The following RERE variants were observed in gnomAD, a reference collection of about 807,000 sequenced individuals.
RERE encodes arginine-glutamic acid dipeptide repeats protein.
RERE carries 40 observed loss-of-function variants against 146.1 expected under a neutral mutation model. The ratio of observed to expected loss-of-function variants is 0.27; its 90% confidence interval spans 0.21 to 0.36. RERE has a LOEUF of 0.36. RERE is among the 10% of genes least tolerant of loss of function. The pLI is 1.00. For missense variants in RERE, 1,933 were observed against 2,138.7 expected (o/e 0.90, Z 1.90); for synonymous variants, 1,003 against 866.0 (o/e 1.16, Z -2.78).
rs1483056015 is a variant in RERE, at chr1:8,353,646, G to A, written c.*1441C>T. ...GGAAACGAGGGCAGGCTCTCTCCAGGACGGTTCCGCTCAGAAGGGCCTGGC... is the reference window on the plus strand; with the variant it reads ...GGAAACGAGGGCAGGCTCTCTCCAGAACGGTTCCGCTCAGAAGGGCCTGGC... On this transcript the variant is annotated 3_prime_UTR_variant, in exon 23 of 23. Coordinates refer to ENST00000400908, the MANE Select transcript of RERE (RefSeq NM_001042681.2). 7.9e-5 allele frequency: 12 copies of A among 152,320 alleles called. No homozygotes were observed. Among genetic ancestry groups the A allele is most frequent in the African/African-American group, 2.7e-4 (11 of 41,468 alleles). The allele number at this position is 152,320 out of a possible 1,614,324, so 9.4% of individuals were successfully genotyped here. A position where few individuals can be genotyped will look rare whatever the true frequency, so the allele number is the denominator to read the frequency against.
At chr1:8,636,073 C>A (rs1308948470) in intron 2 of RERE, among the ~76,000 whole-genome samples, 1 of 152,176 alleles carries the variant, frequency 6.6e-6, no homozygotes, top group Non-Finnish European at 1.5e-5. Flanking sequence ...ACCGCAACCT[C>A]CGCCTCCCAG....
intron 7 of RERE, among the ~76,000 whole-genome samples, chr1:8,538,187 G>A (rs1645751419): frequency 6.6e-6 from 1 of 152,128 alleles, no homozygotes; most frequent in African/African-American, 2.4e-5. Context: ...TACACAATCA[G>A]AAGAACTTTG....
At chr1:8,591,658 G>A (rs1327263449) in intron 4 of RERE, among the ~76,000 whole-genome samples, 2 of 152,128 alleles carry the variant, frequency 1.3e-5, no homozygotes, top group East Asian at 1.9e-4. Context: ...AGGAGTACTA[G>A]TTTCTACACC....
At chr1:8,705,035 T>C (rs1430109067) in intron 1 of RERE, among the ~76,000 whole-genome samples, 4 of 152,244 alleles carry the variant, frequency 2.6e-5, no homozygotes, top group African/African-American at 4.8e-5. Context: ...GCTACAAAGC[T>C]ACTCCTGTAC....
Position 8,633,465 on chromosome 1 carries a change from A to G in RERE, c.326-9085T>C, listed in dbSNP as rs868050772. 3.9e-3 allele frequency among the ~76,000 whole-genome samples: 596 copies of G among 152,230 alleles called. 3 individuals carry two copies. Among genetic ancestry groups the G allele is most frequent in the Non-Finnish European group, 6.7e-3 (459 of 68,012 alleles). ...CACGCACACACACAGACACACACAC[A>G]CACACACACACAAAAATGTACTTCT... On this transcript the variant is annotated intron_variant, in intron 2 of 22. Coordinates refer to ENST00000400908, the MANE Select transcript of RERE (RefSeq NM_001042681.2).
At chr1:8,619,452 A>T (rs1351204312) in intron 3 of RERE, among the ~76,000 whole-genome samples, 1 of 152,250 alleles carries the variant, frequency 6.6e-6, no homozygotes, top group Non-Finnish European at 1.5e-5. Flanking sequence ...CATTTGGTAT[A>T]AGTAACAGCT....
rs963105818 is a variant in RERE at position 8,361,133 on chromosome 1, T to C, written c.2374A>G (p.Thr792Ala). The C allele has an allele frequency of 3.5e-6, 5 of 1,443,026 alleles. No homozygotes were observed. Among genetic ancestry groups the C allele is most frequent in the Non-Finnish European group, 4.5e-6 (5 of 1,103,238 alleles). 89.4% of individuals were successfully genotyped at this position (1,443,026 alleles called of 1,614,324 possible). The part of the protein sequence containing the change: ...SQAPNQPQAP[T>A]APVPHTHIQQ... ...ATGTGGGTGTGGGGAACAGGCGCTGTGGGAGCCTGTGGCTGGTTAGGGGCC... is the reference window on the plus strand; with the variant it reads ...ATGTGGGTGTGGGGAACAGGCGCTGCGGGAGCCTGTGGCTGGTTAGGGGCC... The change falls in exon 18 of 23, where the codon ACA becomes GCA. Residue 792 changes from threonine to alanine, a missense_variant. Thr to Ala is a moderately conservative substitution (Grantham distance 58). Around this residue, in one of 11 missense-constraint regions of RERE, gnomAD observed 1,255 missense variants for 1,153.8 expected, o/e 1.09. Coordinates refer to ENST00000400908, the MANE Select transcript of RERE (RefSeq NM_001042681.2).
chr1:8,545,682 A>C (rs897423570), intron 6 of RERE, among the ~76,000 whole-genome samples: 1 of 146,732 alleles, frequency 6.8e-6, no homozygotes, highest in Admixed American at 7.2e-5. Context: ...TTAATAAAAA[A>C]TTCTTTTTTT....
intron 4 of RERE, among the ~76,000 whole-genome samples, chr1:8,561,072 C>T (rs1261787667): frequency 6.6e-6 from 1 of 152,220 alleles, no homozygotes; most frequent in African/African-American, 2.4e-5. Context: ...TTCTGAAGTA[C>T]AATATCTATG....
intron 12 of RERE, among the ~76,000 whole-genome samples, chr1:8,385,952 C>T (rs1642625615): frequency 2.1e-5 from 2 of 95,680 alleles, no homozygotes; most frequent in South Asian, 3.9e-4. Flanking sequence ...CTGGGTGACA[C>T]AGCAAGACTC....
intron 2 of RERE, among the ~76,000 whole-genome samples, chr1:8,645,892 C>G (rs979757366): frequency 6.6e-6 from 1 of 152,014 alleles, no homozygotes; most frequent in Non-Finnish European, 1.5e-5. Context: ...CATGAAAAGG[C>G]AATCAACTAA....
At chr1:8,549,022 A>G (rs1038992900) in intron 6 of RERE, among the ~76,000 whole-genome samples, 2 of 152,170 alleles carry the variant, frequency 1.3e-5, no homozygotes. Flanking sequence ...TTGGACTGGA[A>G]TTGAAATTAA....
chr1:8,502,272 G>A (rs1402086551), intron 8 of RERE, among the ~76,000 whole-genome samples: 14 of 114,146 alleles, frequency 1.2e-4, no homozygotes, highest in Admixed American at 4.7e-4. Context: ...GCCTCTGCCC[G>A]GCCGCCCCTA....
In RERE at chr1:8,359,985, A is replaced by C. The variant is rs745388907; in HGVS notation, c.3397T>G (p.Phe1133Val). The part of the protein sequence containing the change: ...TPSHASQSAR[F>V]YKHLDRGYNS... ...TAGCCCCGGTCCAGGTGTTTGTAGA[A>C]CCTGAGAAAAGCCACAGATCTTGCT... The change falls in exon 19 of 23, where the codon TTC (phenylalanine) becomes GTC (valine). Residue 1133 changes from phenylalanine (F) to valine (V), a missense_variant and splice_region_variant. Phe to Val is a conservative substitution (Grantham distance 50). Transcript: ENST00000400908. The C allele has an allele frequency of 1.9e-6, 3 of 1,612,130 alleles. No individual in the cohort carries two copies. Among genetic ancestry groups the C allele is most frequent in the Non-Finnish European group, 2.5e-6 (3 of 1,179,626 alleles).
chr1:8,503,087 AAAAT>A (rs199506860), intron 8 of RERE, among the ~76,000 whole-genome samples: 26,724 of 144,524 alleles, frequency 0.18, 2,527 homozygotes, highest in Middle Eastern at 0.36. Context: ...TGATCAATTA[AAAAT>A]AAATAAATAA....
intron 1 of RERE, among the ~76,000 whole-genome samples, chr1:8,803,512 C>A (rs1464206106): frequency 6.6e-6 from 1 of 151,914 alleles, no homozygotes; most frequent in African/African-American, 2.4e-5. Flanking sequence ...CATTATCGAC[C>A]ATCACAGAAT....
chr1:8,639,407 T>C (rs1051330358), intron 2 of RERE, among the ~76,000 whole-genome samples: 4 of 152,248 alleles, frequency 2.6e-5, no homozygotes, highest in African/African-American at 9.6e-5. Context: ...GCCAAATATC[T>C]ATTTTGGGGA....
chr1:8,504,960 G>A (rs1349572393), intron 8 of RERE, among the ~76,000 whole-genome samples: 2 of 152,204 alleles, frequency 1.3e-5, no homozygotes, highest in Admixed American at 1.3e-4. Context: ...TTTTCTGGAA[G>A]GCAGGGTACC....
At chr1:8,756,339 T>C (rs907270510) in intron 1 of RERE, among the ~76,000 whole-genome samples, 1 of 152,222 alleles carries the variant, frequency 6.6e-6, no homozygotes, top group Non-Finnish European at 1.5e-5. Context: ...ATTCAAATTA[T>C]TGCATTTTTA....
Sources: gnomAD v4.1 joint callset for allele counts (sites outside exome capture counted in the v4.1 genomes callset) on GRCh38, gnomAD v4.1.1 for gene constraint, gnomAD v4.1.1 regional missense constraint, MANE v1.5 for transcripts, NCBI Gene and HGNC (gene_info 2026-07-23, HGNC 2026-07-21) for gene names.